NKAIN2: variants seen among roughly 807,000 people sequenced by gnomAD.
NKAIN2 encodes the protein sodium/potassium-transporting ATPase subunit beta-1-interacting protein 2.
Under a neutral mutation model 32.6 loss-of-function variants are expected in NKAIN2, and 14 were observed. The observed-to-expected ratio is 0.43, with a 90% CI of 0.28 to 0.67. The LOEUF (loss-of-function observed/expected upper bound fraction) is 0.67. Among genes scored for constraint, NKAIN2 ranks in the 30% least tolerant of loss-of-function variants. The pLI, the probability that NKAIN2 is intolerant of heterozygous loss-of-function variation, is 0.17. For synonymous variants in NKAIN2, 80 were observed against 87.2 expected, an observed-to-expected ratio of 0.92 and a Z score of 0.46; for missense variants, 198 against 258.3, an observed-to-expected ratio of 0.77 and a Z score of 1.60.
chr6:124,615,492 C>T (rs1021167241), intron 3 of NKAIN2, among the ~76,000 whole-genome samples: 2 of 152,070 alleles, frequency 1.3e-5, no homozygotes, highest in East Asian at 1.9e-4. Context: ...ACAAAGATTT[C>T]GGAAAATATG....
At chr6:123,830,498 T>C (rs1582609931) in intron 1 of NKAIN2, among the ~76,000 whole-genome samples, 1 of 152,214 alleles carries the variant, frequency 6.6e-6, no homozygotes, top group Non-Finnish European at 1.5e-5. Context: ...CCCTCTGCCA[T>C]ATGGCCTCAT....
intron 1 of NKAIN2, among the ~76,000 whole-genome samples, chr6:124,082,209 C>T (rs918123286): frequency 7.2e-5 from 11 of 152,100 alleles, no homozygotes; most frequent in Non-Finnish European, 1.5e-4. Flanking sequence ...AGGACTGCAT[C>T]TGATGTTAGT....
intron 1 of NKAIN2, among the ~76,000 whole-genome samples, chr6:124,053,827 G>A (rs1782517919): frequency 6.6e-6 from 1 of 151,984 alleles, no homozygotes; most frequent in African/African-American, 2.4e-5. Flanking sequence ...TAGTCTGACA[G>A]TTACAAGGTT....
chr6:124,732,353 T>C (rs1776724099), intron 4 of NKAIN2, among the ~76,000 whole-genome samples: 1 of 152,048 alleles, frequency 6.6e-6, no homozygotes, highest in Non-Finnish European at 1.5e-5. Flanking sequence ...AGGACAGGGT[T>C]TGGTGAAATC....
At chr6:124,341,784 G>A (rs1237367719) in intron 2 of NKAIN2, among the ~76,000 whole-genome samples, 3 of 152,118 alleles carry the variant, frequency 2.0e-5, no homozygotes, top group Non-Finnish European at 2.9e-5. Flanking sequence ...TTTTATGTAG[G>A]TGTTTTTCTT....
At chr6:124,778,782 AG>A (rs1263271959) in intron 4 of NKAIN2, among the ~76,000 whole-genome samples, 4 of 152,138 alleles carry the variant, frequency 2.6e-5, no homozygotes, top group African/African-American at 9.6e-5. Context: ...GCCTGCTTAA[AG>A]GAAAAAAAAG....
At chr6:123,972,038 G>A (rs11154201) in intron 1 of NKAIN2, among the ~76,000 whole-genome samples, 38,217 of 151,968 alleles carry the variant, frequency 0.25, 5,083 homozygotes, top group East Asian at 0.46. Context: ...ACATGAAGAT[G>A]ACAAGGATGA....
At chr6:124,230,058 C>T (rs933736108) in intron 1 of NKAIN2, among the ~76,000 whole-genome samples, 2 of 152,080 alleles carry the variant, frequency 1.3e-5, no homozygotes, top group East Asian at 3.9e-4. Flanking sequence ...TCCCTAGAAA[C>T]TTATTGAATG....
At chr6:124,747,907 T>C (rs763802455) in intron 4 of NKAIN2, among the ~76,000 whole-genome samples, 4 of 151,962 alleles carry the variant, frequency 2.6e-5, no homozygotes, top group Admixed American at 6.6e-5. Context: ...CCTCATGATA[T>C]AGTCTTAGCA....
chr6:124,506,714 G>GA (rs577351731), intron 3 of NKAIN2, among the ~76,000 whole-genome samples: 84 of 146,808 alleles, frequency 5.7e-4, no homozygotes, highest in Admixed American at 2.8e-3. Context: ...CACTTAGGAA[G>GA]AAAAAAAAAA....
At chr6:124,389,584 A>G (rs1485241412) in intron 3 of NKAIN2, among the ~76,000 whole-genome samples, 1 of 152,080 alleles carries the variant, frequency 6.6e-6, no homozygotes, top group East Asian at 1.9e-4. Context: ...GAGGAAATAG[A>G]CTACCTTACA....
chr6:124,096,035 CTG>C (rs1784633981), intron 1 of NKAIN2, among the ~76,000 whole-genome samples: 1 of 152,178 alleles, frequency 6.6e-6, no homozygotes, highest in Non-Finnish European at 1.5e-5. Context: ...GAAAACAAAA[CTG>C]TAGGAAAATT....
chr6:124,123,192 C>T (rs1785974264), intron 1 of NKAIN2, among the ~76,000 whole-genome samples: 1 of 151,780 alleles, frequency 6.6e-6, no homozygotes, highest in South Asian at 2.1e-4. Flanking sequence ...TTAAAGGTCA[C>T]CTTAAAAATT....
chr6:124,340,791 G>T (rs772513356), intron 2 of NKAIN2, among the ~76,000 whole-genome samples: 3 of 152,084 alleles, frequency 2.0e-5, no homozygotes, highest in Non-Finnish European at 4.4e-5. Context: ...ATAATTGTAG[G>T]TGTTTAAAGA....
chr6:123,876,634 G>C (rs1773184370), intron 1 of NKAIN2, among the ~76,000 whole-genome samples: 1 of 152,166 alleles, frequency 6.6e-6, no homozygotes, highest in African/African-American at 2.4e-5. Flanking sequence ...CTGAAAACAA[G>C]GAGCATGGAG....
At chr6:124,454,110 G>GGT (rs1776229758) in intron 3 of NKAIN2, among the ~76,000 whole-genome samples, 2 of 145,692 alleles carry the variant, frequency 1.4e-5, no homozygotes, top group Admixed American at 6.8e-5. Context: ...TTTTTTTGGG[G>GGT]GGGGGGGTTG....
chr6:124,617,883 T>C (rs376633620), intron 3 of NKAIN2, among the ~76,000 whole-genome samples: 2 of 152,328 alleles, frequency 1.3e-5, no homozygotes, highest in East Asian at 3.9e-4. Flanking sequence ...AATAACCAGT[T>C]GAATCTAGAC....
intron 1 of NKAIN2, among the ~76,000 whole-genome samples, chr6:123,892,158 G>A (rs1204935392): frequency 6.6e-6 from 1 of 152,154 alleles, no homozygotes; most frequent in East Asian, 1.9e-4. Context: ...CATTACACCT[G>A]AACACAGGCA....
chr6:124,577,468 C>A (rs1781375357), intron 3 of NKAIN2, among the ~76,000 whole-genome samples: 1 of 152,090 alleles, frequency 6.6e-6, no homozygotes, highest in Non-Finnish European at 1.5e-5. Flanking sequence ...TGGAAAACAA[C>A]CCTGGCCAGA....
Sources: gnomAD v4.1 joint callset for allele counts (sites outside exome capture counted in the v4.1 genomes callset) on GRCh38, gnomAD v4.1.1 for gene constraint, MANE v1.5 for transcripts, NCBI Gene and HGNC (gene_info 2026-07-23, HGNC 2026-07-21) for gene names.